Variants in ASTN2 observed in about 807,000 individuals in gnomAD.
The protein encoded by ASTN2 is astrotactin 2.
Under a neutral mutation model 139.8 loss-of-function variants are expected in ASTN2, and 54 were observed. That is an observed-to-expected ratio of 0.39 (90% CI 0.31 to 0.48). The LOEUF (loss-of-function observed/expected upper bound fraction) is 0.48. ASTN2 is among the 20% of genes least tolerant of loss of function. The pLI is 0.95. For synonymous variants in ASTN2, 756 were observed against 719.5 expected, an observed-to-expected ratio of 1.05 and a Z score of -0.81; for missense variants, 1,565 against 1,725.1, an observed-to-expected ratio of 0.91 and a Z score of 1.64.
At chr9:116,904,079 T>C (rs980005827) in intron 10 of ASTN2, among the ~76,000 whole-genome samples, 1 of 152,218 alleles carries the variant, frequency 6.6e-6, no homozygotes, top group Non-Finnish European at 1.5e-5. Flanking sequence ...CTACCATCCT[T>C]GCCAGAATCA....
At chr9:116,766,803 T>C (rs1829822309) in intron 13 of ASTN2, among the ~76,000 whole-genome samples, 2 of 149,878 alleles carry the variant, frequency 1.3e-5, no homozygotes, top group Non-Finnish European at 3.0e-5. Context: ...CACACACACA[T>C]TCATACACAT....
chr9:116,836,137 G>A (rs562559980), intron 11 of ASTN2, among the ~76,000 whole-genome samples: 100 of 152,090 alleles, frequency 6.6e-4, no homozygotes, highest in Non-Finnish European at 1.2e-3. Context: ...AGGACTTCAC[G>A]GATCTCTTCC....
At chr9:117,272,308 C>A (rs987524962) in intron 2 of ASTN2, among the ~76,000 whole-genome samples, 1 of 152,222 alleles carries the variant, frequency 6.6e-6, no homozygotes, top group Admixed American at 6.5e-5. Context: ...CACCAAGTCC[C>A]TAGGCTGCAC....
chr9:116,865,024 T>G (rs1037823799), intron 10 of ASTN2, among the ~76,000 whole-genome samples: 13 of 152,170 alleles, frequency 8.5e-5, no homozygotes, highest in Admixed American at 7.9e-4. Flanking sequence ...CAGTTACCTG[T>G]CCAGCCACAT....
At chr9:116,941,094 A>G (rs1304307024) in intron 10 of ASTN2, among the ~76,000 whole-genome samples, 1 of 152,196 alleles carries the variant, frequency 6.6e-6, no homozygotes, top group Non-Finnish European at 1.5e-5. Flanking sequence ...TGTTTGCACA[A>G]TGACCAAATT....
At position 116,733,346 on chromosome 9, in the gene ASTN2, A is replaced by C. The variant is rs1828837845; in HGVS notation, c.2521+53T>G. The C allele has an allele frequency of 3.1e-6, 5 of 1,604,382 alleles. No homozygotes were observed. The South Asian group carries it at 4.4e-5, about 14-fold the overall frequency. Reference sequence around the variant, plus strand: ...GAAGACTGATATGCACTAGGTGTGGAGACTCGGTGTGTGGTCAGGGAACCT... The same window carrying C: ...GAAGACTGATATGCACTAGGTGTGGCGACTCGGTGTGTGGTCAGGGAACCT... On this transcript the variant is annotated intron_variant, in intron 14 of 22. Coordinates refer to ENST00000313400, the MANE Select transcript of ASTN2 (RefSeq NM_001365068.1).
Position 117,414,829 on chromosome 9 carries a change from A to G in ASTN2, c.110T>C (p.Leu37Pro), listed in dbSNP as rs767113271. 2.6e-4 allele frequency: 299 copies of G among 1,166,770 alleles called. 4 individuals carry two copies. Among genetic ancestry groups the G allele is most frequent in the Non-Finnish European group, 3.3e-5 (31 of 940,720 alleles). 72.3% of individuals were successfully genotyped at this position (1,166,770 alleles called of 1,614,324 possible). The change falls in exon 1 of 23, where the codon CTG becomes CCG. Residue 37 changes from leucine to proline, a missense_variant. Physicochemically the swap from Leu to Pro is moderately conservative, Grantham distance 98. Around this residue, in one of 4 missense-constraint regions of ASTN2, gnomAD observed 596 missense variants for 576.8 expected, o/e 1.03. Transcript: ENST00000313400. This position sits in a 1 kb window ranked among gnomAD's most constrained non-coding sequence, Gnocchi z 4.2. ...CGGCGGCGGCAGCAGGAGCAGGAAC[A>G]GCAGCAGCAGCGGCAGCAGTGGCGG... is the stretch of plus-strand genomic sequence containing the variant. ...GPPPLLPLLL[L>P]FLLLLPPPPL...
intron 1 of ASTN2, among the ~76,000 whole-genome samples, chr9:117,311,055 C>T (rs1353211405): frequency 6.6e-6 from 1 of 152,112 alleles, no homozygotes; most frequent in Non-Finnish European, 1.5e-5. Flanking sequence ...ACTGGGGCTC[C>T]CTGGGACCAC....
chr9:116,574,731 C>G (rs960618290), intron 19 of ASTN2, among the ~76,000 whole-genome samples: 5 of 152,204 alleles, frequency 3.3e-5, no homozygotes, highest in East Asian at 3.8e-4. Context: ...ACCACCTCCC[C>G]CTTTGCAGGT....
chr9:116,464,558 A>G (rs894384805), intron 20 of ASTN2, among the ~76,000 whole-genome samples: 2 of 152,220 alleles, frequency 1.3e-5, no homozygotes, highest in African/African-American at 4.8e-5. Context: ...TATGTGGTCC[A>G]TTCATGTATG....
intron 3 of ASTN2, among the ~76,000 whole-genome samples, chr9:117,202,759 C>G (rs972284249): frequency 6.6e-6 from 1 of 152,084 alleles, no homozygotes; most frequent in African/African-American, 2.4e-5. Context: ...CTCTGGCTGC[C>G]CTTAACAGTT....
intron 16 of ASTN2, among the ~76,000 whole-genome samples, chr9:116,652,281 G>A (rs1404434540): frequency 6.6e-6 from 1 of 152,172 alleles, no homozygotes; most frequent in African/African-American, 2.4e-5. Context: ...AGCTGAGATT[G>A]TGCCACTGCA....
intron 10 of ASTN2, among the ~76,000 whole-genome samples, chr9:116,927,722 G>A (rs1294926764): frequency 6.6e-6 from 1 of 152,156 alleles, no homozygotes; most frequent in Non-Finnish European, 1.5e-5. Context: ...CTAAACATAA[G>A]CATCTCGGGG....
intron 20 of ASTN2, among the ~76,000 whole-genome samples, chr9:116,477,657 G>A (rs539023074): frequency 2.2e-4 from 33 of 151,998 alleles, no homozygotes; most frequent in African/African-American, 7.7e-4. Context: ...GAAGTGATAA[G>A]AAAAGGAGAA....
At chr9:116,907,714 G>C (rs991463239) in intron 10 of ASTN2, among the ~76,000 whole-genome samples, 1 of 152,188 alleles carries the variant, frequency 6.6e-6, no homozygotes, top group Admixed American at 6.5e-5. Context: ...TACCATTTGA[G>C]CTAGAAAACA....
In ASTN2 at chr9:117,231,731, G is replaced by C. The variant is rs541230875; in HGVS notation, c.631-16989C>G. Among the ~76,000 whole-genome samples, 30 of 152,222 alleles carry C rather than the reference G, an allele frequency of 2.0e-4. No individual in the cohort carries two copies. The South Asian group carries it at 6.2e-3, about 32-fold the overall frequency. On this transcript the variant is annotated intron_variant, in intron 2 of 22. Coordinates refer to ENST00000313400, the MANE Select transcript of ASTN2 (RefSeq NM_001365068.1). ...AATAAAGGGAGCATGGAAAGGAGGG[G>C]AGAGTGTAAGGTGAGAGAGGATAGA...
chr9:116,634,598 A>AAAT (rs1856979118), intron 17 of ASTN2, among the ~76,000 whole-genome samples: 1 of 38,034 alleles, frequency 2.6e-5, no homozygotes, highest in African/African-American at 6.4e-5. Flanking sequence ...TCAAAAAAAA[A>AAAT]AAAAAAAAAA....
intron 2 of ASTN2, among the ~76,000 whole-genome samples, chr9:117,279,946 T>A (rs972840805): frequency 1.8e-4 from 27 of 152,328 alleles, no homozygotes; most frequent in South Asian, 1.0e-3. Flanking sequence ...CTAATTTTTT[T>A]AATTTTTTTC....
intron 10 of ASTN2, among the ~76,000 whole-genome samples, chr9:116,974,676 T>C (rs1343821854): frequency 1.3e-5 from 2 of 152,016 alleles, no homozygotes; most frequent in Non-Finnish European, 2.9e-5. Context: ...ATCAGGCTAA[T>C]TTTTGTATTT....
Sources: gnomAD v4.1 joint callset for allele counts (sites outside exome capture counted in the v4.1 genomes callset) on GRCh38, gnomAD v4.1.1 for gene constraint, gnomAD v4.1.1 regional missense constraint, Gnocchi (gnomAD v3.1) non-coding constraint, MANE v1.5 for transcripts, NCBI Gene and HGNC (gene_info 2026-07-23, HGNC 2026-07-21) for gene names.